Variants in PAOX observed in about 807,000 individuals in gnomAD.
PAOX encodes the protein polyamine oxidase.
Under a neutral mutation model 39.0 loss-of-function variants are expected in PAOX, and 38 were observed. The observed-to-expected ratio is 0.97, with a 90% CI of 0.75 to 1.28. The LOEUF (loss-of-function observed/expected upper bound fraction) is 1.28. Among genes scored for constraint, PAOX ranks in the 50% most tolerant of loss-of-function variants. The probability of loss-of-function intolerance (pLI) is 0.00; values close to 1 mark genes in which losing one functional copy is unlikely to be tolerated. For synonymous variants in PAOX, 311 were observed against 314.4 expected (o/e 0.99, Z 0.11); for missense variants, 667 against 685.7 (o/e 0.97, Z 0.30).
In PAOX at chr10:133,389,719, C is replaced by T. The variant is rs1319014999; in HGVS notation, c.1364C>T (p.Pro455Leu). The T allele has an allele frequency of 6.4e-7, 1 of 1,572,138 alleles. No homozygotes were observed. Among genetic ancestry groups the T allele is most frequent in the Non-Finnish European group, 8.6e-7 (1 of 1,156,338 alleles). ...GGCGACCTGGACCTGCTGGCTCAGC[C>T]CCTCCCTGCAGACGGCGCCGGCGCC... ...TGGDLDLLAQ[P>L]LPADGAGAQL... Residue 455 changes from proline (P) to leucine (L), a missense_variant, in exon 6 of 7, where the codon CCC (proline) becomes CTC (leucine). Physicochemically the swap from Pro to Leu is moderately conservative, Grantham distance 98. Coordinates refer to ENST00000278060, the MANE Select transcript of PAOX (RefSeq NM_152911.4).
At position 133,379,330 on chromosome 10, in the gene PAOX, G is replaced by A. The variant is rs1192411717; in HGVS notation, c.14G>A (p.Gly5Asp). 5 of 1,217,666 alleles carry A rather than the reference G, an allele frequency of 4.1e-6. No individual in the cohort carries two copies. The Admixed American group carries it at 2.2e-4, about 53-fold the overall frequency. The allele number at this position is 1,217,666 out of a possible 1,614,324, so 75.4% of individuals were successfully genotyped here. A position where few individuals can be genotyped will look rare whatever the true frequency, so the allele number is the denominator to read the frequency against. Residue 5 changes from glycine (G) to aspartate (D), a missense_variant, in exon 1 of 7, where the codon GGC (glycine) becomes GAC (aspartate). Transcript: ENST00000278060. Reference sequence around the variant, plus strand: ...CCGGACCGCGCGATGGAGTCGACCGGCAGCGTCGGGGAGGCCCCGGGCGGA... The same window carrying A: ...CCGGACCGCGCGATGGAGTCGACCGACAGCGTCGGGGAGGCCCCGGGCGGA... MEST[G>D]SVGEAPGGPR...
chr10:133,382,093 TA>T lies in PAOX; in HGVS notation c.868+438del, dbSNP rs964374518. 1.3e-3 allele frequency among the ~76,000 whole-genome samples: 196 copies of T among 152,308 alleles called. 1 individual carries two copies. The highest frequency in any genetic ancestry group is 4.4e-3 in the African/African-American group (181 of 41,570). On this transcript the variant is annotated intron_variant, in intron 3 of 6. Transcript: ENST00000278060. ...GTAGAGGTGGTTTGAAGCTGTTTTA[TA>T]AAAGGTGGAGATGGTTGAAAACAGA... is the stretch of plus-strand genomic sequence containing the variant.
At chr10:133,383,185 CA>C (rs555499183) in intron 3 of PAOX, among the ~76,000 whole-genome samples, 4 of 150,134 alleles carry the variant, frequency 2.7e-5, no homozygotes, top group Non-Finnish European at 5.9e-5. Flanking sequence ...AACTCCGTCT[CA>C]AAAAAAAAGG....
chr10:133,385,139 T>A lies in PAOX; in HGVS notation c.1121+927T>A, dbSNP rs560860842. On this transcript the variant is annotated intron_variant, in intron 4 of 6. Coordinates refer to ENST00000278060, the MANE Select transcript of PAOX (RefSeq NM_152911.4). The stretch of plus-strand genomic sequence containing the variant: ...GATGAAACCCCGTCTCTACTAAAAA[T>A]ACAAAAAATTAGCCGGTGTGGTGGC... 2.8e-3 allele frequency among the ~76,000 whole-genome samples: 423 copies of A among 152,072 alleles called. 1 individual carries two copies. Among genetic ancestry groups the A allele is most frequent in the Non-Finnish European group, 2.1e-3 (143 of 67,982 alleles).
intron 4 of PAOX, among the ~76,000 whole-genome samples, chr10:133,387,028 C>T (rs1849548326): frequency 6.6e-6 from 1 of 152,178 alleles, no homozygotes; most frequent in African/African-American, 2.4e-5. Flanking sequence ...CCGGTAATTC[C>T]AGCACTTTGG....
intron 5 of PAOX, among the ~76,000 whole-genome samples, 178 bp from the exon 6 acceptor site, chr10:133,389,412 C>T (rs1849609178): frequency 6.6e-6 from 1 of 152,144 alleles, no homozygotes; most frequent in Non-Finnish European, 1.5e-5. Context: ...CGGGTCCCAG[C>T]CCACTGCTCT....
Position 133,384,275 on chromosome 10 carries a change from A to G in PAOX, c.1121+63A>G, listed in dbSNP as rs1849478060. 1.3e-6 allele frequency: 2 copies of G among 1,582,100 alleles called. No homozygotes were observed. The highest frequency in any genetic ancestry group is 1.7e-6 in the Non-Finnish European group (2 of 1,161,248). The stretch of plus-strand genomic sequence containing the variant: ...CTCATAGGCCTTCATCTGATGGAGG[A>G]CGCAGCAGTGTGTCTGTTCACTGCA... On this transcript the variant is annotated intron_variant, in intron 4 of 6. Transcript: ENST00000278060. This position sits in a 1 kb window ranked among gnomAD's most constrained non-coding sequence, Gnocchi z 4.3.
intron 3 of PAOX, 57 bp from the exon 4 acceptor site, chr10:133,383,903 C>T: frequency 6.4e-7 from 1 of 1,557,862 alleles, no homozygotes; most frequent in Non-Finnish European, 8.7e-7. Flanking sequence ...TCTGGACAGA[C>T]AGGACTTCCG....
chr10:133,381,637 T>C lies in PAOX; in HGVS notation c.846T>C (p.His282=). The change falls in exon 3 of 7, where the codon CAT becomes CAC. Residue 282 remains histidine (H), a synonymous_variant. Transcript: ENST00000278060. The part of the protein sequence containing the change: ...CEDGDRFPAH[H]VIVTVPLGFL... Reference sequence around the variant, plus strand: ...ATGGAGACCGGTTCCCGGCGCACCATGTCATCGTCACCGTGCCCTTAGGTA... The same window carrying C: ...ATGGAGACCGGTTCCCGGCGCACCACGTCATCGTCACCGTGCCCTTAGGTA... The C allele has an allele frequency of 6.2e-7, 1 of 1,613,228 alleles. No homozygotes were observed. Among genetic ancestry groups the C allele is most frequent in the Non-Finnish European group, 8.5e-7 (1 of 1,180,006 alleles).
intron 3 of PAOX, among the ~76,000 whole-genome samples, chr10:133,383,300 G>A (rs566957096): frequency 6.6e-6 from 1 of 152,248 alleles, no homozygotes; most frequent in East Asian, 1.9e-4. Context: ...TTTTACATGT[G>A]CACTTAAAAA....
chr10:133,383,851 C>T (rs1460966902), intron 3 of PAOX, 109 bp from the exon 4 acceptor site: 6 of 1,377,328 alleles, frequency 4.4e-6, no homozygotes, highest in African/African-American at 1.4e-5. Flanking sequence ...GTGAATGTGT[C>T]TGTAGGATAA....
Position 133,391,477 on chromosome 10 carries a change from C to A in PAOX, c.*22C>A. The A allele has an allele frequency of 1.3e-6, 2 of 1,592,758 alleles. No homozygotes were observed. Among genetic ancestry groups the A allele is most frequent in the Non-Finnish European group, 8.6e-7 (1 of 1,168,930 alleles). ...CTAGCTGGGCCCAGCCTACTCTGTT[C>A]CACCCGTGTCGGGGGTAGGCTGGGA... On this transcript the variant is annotated 3_prime_UTR_variant, in exon 7 of 7. Transcript: ENST00000278060.
chr10:133,390,354 G>A (rs1849641863), intron 6 of PAOX, among the ~76,000 whole-genome samples: 1 of 151,988 alleles, frequency 6.6e-6, no homozygotes, highest in South Asian at 2.1e-4. Flanking sequence ...TAGGCAGGAG[G>A]TTTGCTGAGG....
rs1178677767 is a variant in PAOX at position 133,381,552 on chromosome 10, G to A, written c.761G>A (p.Gly254Glu). The A allele has an allele frequency of 6.2e-7, 1 of 1,613,704 alleles. No individual in the cohort carries two copies. Among genetic ancestry groups the A allele is most frequent in the African/African-American group, 1.3e-5 (1 of 74,922 alleles). The change falls in exon 3 of 7, where the codon GGG becomes GAG. Residue 254 changes from glycine (G) to glutamate (E), a missense_variant. Physicochemically the swap from Gly to Glu is moderately conservative, Grantham distance 98 (BLOSUM62 -2). Coordinates refer to ENST00000278060, the MANE Select transcript of PAOX (RefSeq NM_152911.4). The stretch of plus-strand genomic sequence containing the variant: ...CCTGTGAAGACCATCCACTGGAACG[G>A]GTCCTTCCAGGAGGCAGCCTTTCCC... ...EKPVKTIHWN[G>E]SFQEAAFPGE... is the part of the protein sequence containing the mutation.
At position 133,384,468 on chromosome 10, in the gene PAOX, A is replaced by T. The variant is rs1330292666; in HGVS notation, c.1121+256A>T. 6.6e-6 allele frequency among the ~76,000 whole-genome samples: 1 copy of T among 152,210 alleles called. No individual in the cohort carries two copies. The highest frequency in any genetic ancestry group is 2.4e-5 in the African/African-American group (1 of 41,460). Reference sequence around the variant, plus strand: ...TGTTTGTAGACTTGCAGGCAGGCTCAGTCTTCAGTCAGTGGGAACGTGTTT... The same window carrying T: ...TGTTTGTAGACTTGCAGGCAGGCTCTGTCTTCAGTCAGTGGGAACGTGTTT... On this transcript the variant is annotated intron_variant, in intron 4 of 6. Coordinates refer to ENST00000278060, the MANE Select transcript of PAOX (RefSeq NM_152911.4). The surrounding 1 kb of genome is among the most constrained non-coding windows in gnomAD (Gnocchi z 4.3).
At chr10:133,379,951 C>T (rs554384630) in intron 1 of PAOX, 48 bp from the exon 2 acceptor site, 2 of 1,502,772 alleles carry the variant, frequency 1.3e-6, no homozygotes, top group East Asian at 2.3e-5. Flanking sequence ...CTCGGGGTGA[C>T]CCTTCTAGGA....
Position 133,391,530 on chromosome 10 carries a change from C to G in PAOX, c.*75C>G. The G allele has an allele frequency of 6.6e-7, 1 of 1,519,550 alleles. No homozygotes were observed. The highest frequency in any genetic ancestry group is 8.8e-7 in the Non-Finnish European group (1 of 1,136,404). 94.1% of individuals were successfully genotyped at this position (1,519,550 alleles called of 1,614,324 possible). On this transcript the variant is annotated 3_prime_UTR_variant, in exon 7 of 7. Coordinates refer to ENST00000278060, the MANE Select transcript of PAOX (RefSeq NM_152911.4). ...CTCATTTCTTCTGACAGATTTCAGT[C>G]TGGCTTGAAATTTGGGGATGTTAAT...
chr10:133,382,491 T>A (rs529779723), intron 3 of PAOX, among the ~76,000 whole-genome samples: 1 of 152,240 alleles, frequency 6.6e-6, no homozygotes, highest in African/African-American at 2.4e-5. Flanking sequence ...CACATGAACA[T>A]CTGCTGCTGG....
chr10:133,381,210 G>T (rs1169793860), intron 2 of PAOX, among the ~76,000 whole-genome samples: 1 of 152,250 alleles, frequency 6.6e-6, no homozygotes, highest in African/African-American at 2.4e-5. Flanking sequence ...TAAGGAGGAA[G>T]CCCTGGTTCC....
Sources: gnomAD v4.1 joint callset for allele counts (sites outside exome capture counted in the v4.1 genomes callset) on GRCh38, gnomAD v4.1.1 for gene constraint, Gnocchi (gnomAD v3.1) non-coding constraint, MANE v1.5 for transcripts, NCBI Gene and HGNC (gene_info 2026-07-23, HGNC 2026-07-21) for gene names.